DAB1: variants seen among roughly 807,000 people sequenced by gnomAD.
The protein encoded by DAB1 is disabled homolog 1.
Under a neutral mutation model 64.6 loss-of-function variants are expected in DAB1, and 15 were observed. The ratio of observed to expected loss-of-function variants is 0.23; its 90% confidence interval spans 0.16 to 0.36. The LOEUF (loss-of-function observed/expected upper bound fraction) is 0.36, where lower values mean the gene tolerates loss of function less well. Ranked by LOEUF, DAB1 falls within the 10% of genes least tolerant of loss-of-function variation. The pLI is 1.00. For synonymous variants in DAB1, 235 were observed against 251.9 expected, an observed-to-expected ratio of 0.93 and a Z score of 0.64; for missense variants, 596 against 706.7, an observed-to-expected ratio of 0.84 and a Z score of 1.78.
At chr1:57,926,051 C>A (rs996591659) in intron 5 of DAB1, among the ~76,000 whole-genome samples, 1 of 152,214 alleles carries the variant, frequency 6.6e-6, no homozygotes, top group African/African-American at 2.4e-5. Context: ...GATGTGATAG[C>A]TGAAGCATGT....
At chr1:58,216,998 A>C (rs945929709) in intron 4 of DAB1, among the ~76,000 whole-genome samples, 1 of 152,216 alleles carries the variant, frequency 6.6e-6, no homozygotes, top group Non-Finnish European at 1.5e-5. Context: ...GGATGCTTTC[A>C]GGGCTCCCAA....
intron 5 of DAB1, among the ~76,000 whole-genome samples, chr1:58,135,956 G>A (rs1161105221): frequency 1.3e-5 from 2 of 152,120 alleles, no homozygotes; most frequent in Admixed American, 6.5e-5. Context: ...TCTCTGCGGT[G>A]CAGTGTACTC....
chr1:58,137,918 C>A (rs1654038303), intron 5 of DAB1, among the ~76,000 whole-genome samples: 1 of 152,120 alleles, frequency 6.6e-6, no homozygotes, highest in South Asian at 2.1e-4. Flanking sequence ...GAGTTTACGG[C>A]ACATGCATGC....
In DAB1 at chr1:57,466,162, C is replaced by T. The variant is rs180988211; in HGVS notation, n.626-174996G>A. Among the ~76,000 whole-genome samples, 114 of 152,282 alleles carry T rather than the reference C, an allele frequency of 7.5e-4. 2 individuals carry two copies. The East Asian group carries it at 0.019, about 25-fold the overall frequency. ...TGACTGTACAGTCACCTCTAACTCA[C>T]GAATTATGGGACATTAAGCCAGAAA... On this transcript the variant is annotated intron_variant and non_coding_transcript_variant, in intron 7 of 20. Transcript: ENST00000485760.
intron 2 of DAB1, among the ~76,000 whole-genome samples, chr1:57,169,739 G>C (rs1661552026): frequency 6.6e-6 from 1 of 152,140 alleles, no homozygotes; most frequent in Non-Finnish European, 1.5e-5. Flanking sequence ...TCCCTGGCCT[G>C]TCTTCAGCAA....
intron 7 of DAB1, among the ~76,000 whole-genome samples, chr1:57,429,290 C>CA (rs200417052): frequency 0.028 from 4,223 of 151,578 alleles, 227 homozygotes; most frequent in African/African-American, 0.096. Flanking sequence ...CCTTCTTTAA[C>CA]AAAAAAAAGT....
chr1:57,308,657 A>G (rs1674402415), intron 1 of DAB1, among the ~76,000 whole-genome samples: 1 of 152,236 alleles, frequency 6.6e-6, no homozygotes, highest in Non-Finnish European at 1.5e-5. Flanking sequence ...AATCACAGTA[A>G]AATAAGAAAT....
exon 2 of DAB1, chr1:57,826,317 T>C (rs972328784): frequency 6.6e-6 from 1 of 152,174 alleles, no homozygotes; most frequent in Non-Finnish European, 1.5e-5. Flanking sequence ...AGGATATGAG[T>C]ACATCCTTGT....
chr1:57,277,625 C>G (rs1041900158), intron 2 of DAB1, among the ~76,000 whole-genome samples: 3 of 152,192 alleles, frequency 2.0e-5, no homozygotes, highest in African/African-American at 7.2e-5. Flanking sequence ...GAATGACATT[C>G]AATGTCTTTA....
intron 5 of DAB1, among the ~76,000 whole-genome samples, chr1:58,111,172 G>A (rs1222633750): frequency 6.6e-6 from 1 of 152,216 alleles, no homozygotes; most frequent in East Asian, 1.9e-4. Context: ...GAAACAGTGT[G>A]TCTGAAGTCA....
At chr1:57,287,147 C>T (rs12563894) in intron 2 of DAB1, among the ~76,000 whole-genome samples, 1 of 152,344 alleles carries the variant, frequency 6.6e-6, no homozygotes, top group Non-Finnish European at 1.5e-5. Flanking sequence ...TTTTGGCACA[C>T]TGCAAACTCC....
At chr1:58,100,229 T>C (rs1438521793) in intron 5 of DAB1, among the ~76,000 whole-genome samples, 1 of 152,194 alleles carries the variant, frequency 6.6e-6, no homozygotes, top group African/African-American at 2.4e-5. Flanking sequence ...TCTGTACTTA[T>C]TAGAAAATAA....
intron 9 of DAB1, among the ~76,000 whole-genome samples, chr1:57,060,613 A>T (rs1650290593): frequency 1.3e-5 from 2 of 152,188 alleles, no homozygotes; most frequent in African/African-American, 4.8e-5. Flanking sequence ...GGCAGGAGTG[A>T]TCTGCTGTTG....
At chr1:57,132,031 C>G (rs1375182970) in intron 4 of DAB1, among the ~76,000 whole-genome samples, 1 of 152,050 alleles carries the variant, frequency 6.6e-6, no homozygotes, top group Non-Finnish European at 1.5e-5. Context: ...TATATCTGTG[C>G]CTTTAGAAAT....
chr1:57,719,799 C>A (rs74558009), intron 6 of DAB1, among the ~76,000 whole-genome samples: 1,935 of 152,266 alleles, frequency 0.013, 46 homozygotes, highest in African/African-American at 0.044. Context: ...TGAGAGCGAA[C>A]TAATACACTC....
At chr1:57,443,753 A>C (rs1383766759) in intron 7 of DAB1, among the ~76,000 whole-genome samples, 1 of 152,182 alleles carries the variant, frequency 6.6e-6, no homozygotes, top group East Asian at 1.9e-4. Flanking sequence ...GAACTCCAAC[A>C]TATAACTCAA....
In DAB1 at chr1:58,477,649, A is replaced by T. The variant is rs113827154; in HGVS notation, n.257+28411T>A. 6.3e-3 allele frequency among the ~76,000 whole-genome samples: 955 copies of T among 152,230 alleles called. 10 individuals are homozygous for T. Among genetic ancestry groups the T allele is most frequent in the South Asian group, 0.044 (212 of 4,816 alleles). Reference sequence around the variant, plus strand: ...GTGAGTCAGTCACACATCCAGCTGGATGTGAAAGCATGCAACCCTGGGAGC... The same window carrying T: ...GTGAGTCAGTCACACATCCAGCTGGTTGTGAAAGCATGCAACCCTGGGAGC... On this transcript the variant is annotated intron_variant and non_coding_transcript_variant, in intron 3 of 20. Transcript: ENST00000485760.
intron 4 of DAB1, among the ~76,000 whole-genome samples, chr1:58,185,052 C>A (rs545293139): frequency 2.6e-5 from 4 of 152,184 alleles, no homozygotes; most frequent in African/African-American, 9.6e-5. Context: ...GGAAAGATAC[C>A]CTTATCCCAC....
At position 58,146,378 on chromosome 1, in the gene DAB1, T is replaced by C. The variant is rs139308441; in HGVS notation, n.387+4133A>G. 8.1e-4 allele frequency among the ~76,000 whole-genome samples: 124 copies of C among 152,320 alleles called. 2 individuals carry two copies. The East Asian group carries it at 0.017, about 20-fold the overall frequency. On this transcript the variant is annotated intron_variant and non_coding_transcript_variant, in intron 5 of 20. Transcript: ENST00000485760. ...ATGTGTGTGAGGAACACCCAAAATC[T>C]ACTCATAGTAAATTTCTTATATATA...
Sources: allele counts gnomAD v4.1 joint callset (sites outside exome capture counted in the v4.1 genomes callset), GRCh38; gene constraint gnomAD v4.1.1; transcripts MANE v1.5; gene names NCBI Gene and HGNC (gene_info 2026-07-23, HGNC 2026-07-21).